NTRK3: variants seen among roughly 807,000 people sequenced by gnomAD.
NTRK3 encodes the protein NT-3 growth factor receptor.
NTRK3 carries 24 observed loss-of-function variants against 91.7 expected under a neutral mutation model. That is an observed-to-expected ratio of 0.26 (90% CI 0.19 to 0.37). The LOEUF is 0.37. NTRK3 is among the 10% of genes least tolerant of loss of function. The probability of loss-of-function intolerance (pLI) is 1.00; values close to 1 mark genes in which losing one functional copy is unlikely to be tolerated. For synonymous variants in NTRK3, 483 were observed against 404.0 expected (o/e 1.20, Z -2.34); for missense variants, 880 against 1,068.9 (o/e 0.82, Z 2.46).
intron 14 of NTRK3, among the ~76,000 whole-genome samples, chr15:88,030,276 C>A (rs1421442118): frequency 6.6e-6 from 1 of 152,184 alleles, no homozygotes; most frequent in African/African-American, 2.4e-5. Context: ...AATCACAAAT[C>A]TAGAGGGCTC....
chr15:88,137,410 G>C (rs2151220158), exon 7 of NTRK3: 1 of 1,613,716 alleles, frequency 6.2e-7, no homozygotes, highest in Non-Finnish European at 8.5e-7. Flanking sequence ...TCACCACACT[G>C]ACTGATGTTC....
intron 6 of NTRK3, among the ~76,000 whole-genome samples, chr15:88,143,074 T>A (rs2042543367): frequency 6.6e-6 from 1 of 150,800 alleles, no homozygotes; most frequent in Admixed American, 6.6e-5. Flanking sequence ...AAAAAAAAAA[T>A]TAACTGGGCA....
intron 3 of NTRK3, among the ~76,000 whole-genome samples, chr15:88,192,548 C>G (rs2047494836): frequency 6.6e-6 from 1 of 152,194 alleles, no homozygotes; most frequent in Admixed American, 6.5e-5. Flanking sequence ...CAACCACTCT[C>G]TCCTGCCTAA....
chr15:87,941,977 G>A (rs563939489), intron 14 of NTRK3, among the ~76,000 whole-genome samples: 4 of 152,326 alleles, frequency 2.6e-5, no homozygotes, highest in Non-Finnish European at 2.9e-5. Context: ...CGACTTTGTC[G>A]AGAAATGAAA....
intron 13 of NTRK3, among the ~76,000 whole-genome samples, chr15:88,075,493 G>A (rs2047458254): frequency 6.6e-6 from 1 of 152,082 alleles, no homozygotes; most frequent in Non-Finnish European, 1.5e-5. Context: ...AGAATCCTGA[G>A]CCCCACTGTG....
intron 17 of NTRK3, among the ~76,000 whole-genome samples, chr15:87,901,615 A>AT (rs551190492): frequency 7.2e-5 from 11 of 152,362 alleles, no homozygotes; most frequent in African/African-American, 2.4e-4. Flanking sequence ...AGAACAACTT[A>AT]TTGCATGTTT....
intron 14 of NTRK3, among the ~76,000 whole-genome samples, chr15:88,030,113 C>A (rs1252045693): frequency 6.6e-6 from 1 of 152,238 alleles, no homozygotes; most frequent in Non-Finnish European, 1.5e-5. Flanking sequence ...TTCTGATGAT[C>A]TGGAGTCATC....
At chr15:87,965,087 A>AATGTGT (rs1320431429) in intron 14 of NTRK3, among the ~76,000 whole-genome samples, 1 of 152,248 alleles carries the variant, frequency 6.6e-6, no homozygotes, top group East Asian at 1.9e-4. Flanking sequence ...GTAGCAAAGT[A>AATGTGT]ATGTGTATGT....
chr15:88,247,920 C>G (rs562886801), intron 3 of NTRK3, among the ~76,000 whole-genome samples: 2 of 152,304 alleles, frequency 1.3e-5, no homozygotes, highest in South Asian at 2.1e-4. Context: ...GAAAGAAGCT[C>G]TAAACATCAG....
chr15:88,159,801 C>T (rs952622735), intron 5 of NTRK3, among the ~76,000 whole-genome samples: 1 of 152,030 alleles, frequency 6.6e-6, no homozygotes, highest in African/African-American at 2.4e-5. Context: ...TGGGGACGTG[C>T]CCCTGGCTGG....
At chr15:88,001,547 T>C (rs1040569940) in intron 14 of NTRK3, among the ~76,000 whole-genome samples, 1 of 152,168 alleles carries the variant, frequency 6.6e-6, no homozygotes, top group Non-Finnish European at 1.5e-5. Context: ...AAGTTCACAA[T>C]GAGCACGTGA....
At chr15:88,125,666 C>A (rs1224535215) in intron 13 of NTRK3, among the ~76,000 whole-genome samples, 3 of 152,202 alleles carry the variant, frequency 2.0e-5, no homozygotes, top group African/African-American at 7.2e-5. Context: ...TTACCCGAGC[C>A]TTGGCAAAGA....
intron 3 of NTRK3, among the ~76,000 whole-genome samples, chr15:88,242,728 C>T (rs1025877619): frequency 2.6e-5 from 4 of 152,208 alleles, no homozygotes; most frequent in Admixed American, 6.5e-5. Context: ...CAGGCTGGCC[C>T]TGCTAGCGCA....
intron 13 of NTRK3, among the ~76,000 whole-genome samples, chr15:88,073,570 G>T (rs1171860680): frequency 1.3e-5 from 2 of 152,162 alleles, no homozygotes; most frequent in African/African-American, 4.8e-5. Flanking sequence ...TATAAGCAAA[G>T]AAAACCCAGA....
exon 19 of NTRK3, chr15:87,872,124 C>T (rs538509204): frequency 4.5e-6 from 1 of 221,420 alleles, no homozygotes; most frequent in African/African-American, 2.2e-5. Context: ...TGGCTCCCTA[C>T]CAAAGCAGAC....
At chr15:88,012,550 T>G (rs1470696657) in intron 14 of NTRK3, among the ~76,000 whole-genome samples, 1 of 152,218 alleles carries the variant, frequency 6.6e-6, no homozygotes, top group Non-Finnish European at 1.5e-5. Flanking sequence ...CAAAAAAGTA[T>G]TTCTATATGT....
intron 3 of NTRK3, among the ~76,000 whole-genome samples, chr15:88,238,913 G>A (rs146539089): frequency 2.4e-4 from 37 of 152,308 alleles, no homozygotes; most frequent in African/African-American, 7.5e-4. Flanking sequence ...GTTATTTACC[G>A]CTGTGGCCTT....
chr15:87,922,275 G>A (rs1486803348), intron 17 of NTRK3, among the ~76,000 whole-genome samples: 1 of 152,186 alleles, frequency 6.6e-6, no homozygotes, highest in Non-Finnish European at 1.5e-5. Context: ...AAGACTTAGA[G>A]GAGCCTCAGG....
At chr15:87,922,888 A>G (rs1354820461) in intron 17 of NTRK3, among the ~76,000 whole-genome samples, 1 of 152,164 alleles carries the variant, frequency 6.6e-6, no homozygotes, top group East Asian at 1.9e-4. Context: ...CCCAATTCAT[A>G]GGATGTAGTT....
Sources: gnomAD v4.1 joint callset for allele counts (sites outside exome capture counted in the v4.1 genomes callset) on GRCh38, gnomAD v4.1.1 for gene constraint, MANE v1.5 for transcripts, NCBI Gene and HGNC (gene_info 2026-07-23, HGNC 2026-07-21) for gene names.